NXN: variants seen among roughly 807,000 people sequenced by gnomAD.
The protein encoded by NXN is nucleoredoxin.
NXN carries 16 observed loss-of-function variants against 48.6 expected under a neutral mutation model. That is an observed-to-expected ratio of 0.33 (90% confidence interval 0.22 to 0.50). The LOEUF (loss-of-function observed/expected upper bound fraction) is 0.50, where lower values mean the gene tolerates loss of function less well. Ranked by LOEUF, NXN falls within the 20% of genes least tolerant of loss-of-function variation. The pLI is 0.98. For missense variants in NXN, 492 were observed against 605.5 expected (o/e 0.81, Z 1.97); for synonymous variants, 281 against 269.6 (o/e 1.04, Z -0.41).
At chr17:933,890 T>C (rs1258005487) in intron 1 of NXN, among the ~76,000 whole-genome samples, 3 of 152,106 alleles carry the variant, frequency 2.0e-5, no homozygotes, top group African/African-American at 7.2e-5. Flanking sequence ...TGGATTCCAA[T>C]ACAAGCAGCC....
intron 5 of NXN, among the ~76,000 whole-genome samples, chr17:811,920 C>CTTTTTTTT (rs34383551): frequency 5.5e-5 from 4 of 73,172 alleles, no homozygotes; most frequent in African/African-American, 1.3e-4. Context: ...CCCAGTTCTG[C>CTTTTTTTT]TTTTTTTTTT....
At chr17:968,555 G>A (rs757894158) in intron 1 of NXN, among the ~76,000 whole-genome samples, 1 of 152,118 alleles carries the variant, frequency 6.6e-6, no homozygotes, top group Non-Finnish European at 1.5e-5. Flanking sequence ...GGGCAACACA[G>A]CAAGAGCTCT....
chr17:856,530 G>A (rs896505003), intron 1 of NXN, among the ~76,000 whole-genome samples: 4 of 136,314 alleles, frequency 2.9e-5, no homozygotes, highest in Admixed American at 1.6e-4. Context: ...TTGCTCTGTC[G>A]CCCAGGCTGG....
chr17:944,420 C>A (rs1222165052), intron 1 of NXN, among the ~76,000 whole-genome samples: 1 of 152,184 alleles, frequency 6.6e-6, no homozygotes, highest in Non-Finnish European at 1.5e-5. Context: ...GTACCCCCGT[C>A]CGAGGACTGC....
chr17:895,383 C>CA (rs1269248436), intron 1 of NXN, among the ~76,000 whole-genome samples: 2 of 151,698 alleles, frequency 1.3e-5, no homozygotes, highest in South Asian at 2.1e-4. Context: ...CCCAAAGAAG[C>CA]AAAAAAATGA....
intron 1 of NXN, among the ~76,000 whole-genome samples, chr17:843,384 G>A (rs1250481345): frequency 6.6e-6 from 1 of 152,234 alleles, no homozygotes. Flanking sequence ...GCATATGGCT[G>A]CCAGGCTCTT....
chr17:814,043 A>C (rs1268029045), intron 5 of NXN, among the ~76,000 whole-genome samples: 1 of 151,902 alleles, frequency 6.6e-6, no homozygotes, highest in African/African-American at 2.4e-5. Context: ...GGCAGATCAC[A>C]TGAGGTCAGG....
At chr17:940,966 C>A (rs1206642831) in intron 1 of NXN, among the ~76,000 whole-genome samples, 1 of 142,948 alleles carries the variant, frequency 7.0e-6, no homozygotes, top group African/African-American at 2.8e-5. Flanking sequence ...TTACAGTGAA[C>A]AAGATTCCAG....
chr17:859,670 C>G (rs2068022091), intron 1 of NXN, among the ~76,000 whole-genome samples: 1 of 152,220 alleles, frequency 6.6e-6, no homozygotes. Context: ...GATCCCAGAT[C>G]TGCTCTGGGG....
intron 1 of NXN, among the ~76,000 whole-genome samples, chr17:850,365 C>G (rs543402867): frequency 1.3e-5 from 2 of 152,304 alleles, no homozygotes; most frequent in South Asian, 4.1e-4. Context: ...TCCCGGACCT[C>G]CTGCTTCCTG....
Position 841,548 on chromosome 17 carries a change from G to C in NXN, c.361-15470C>G, listed in dbSNP as rs375159958. Among the ~76,000 whole-genome samples the C allele has an allele frequency of 6.3e-3, 276 of 43,992 alleles. 25 individuals carry two copies. Among genetic ancestry groups the C allele is most frequent in the African/African-American group, 0.018 (157 of 8,600 alleles). 28.9% of individuals were successfully genotyped at this position (43,992 alleles called of 152,430 possible). ...CCCCGACCATGGAGCATCTCACGCCGGCGAGCAGGTCCCCCCTGACCACGG... is the reference window on the plus strand; with the variant it reads ...CCCCGACCATGGAGCATCTCACGCCCGCGAGCAGGTCCCCCCTGACCACGG... On this transcript the variant is annotated intron_variant, in intron 1 of 7. Transcript: ENST00000336868.
chr17:843,087 T>G (rs1914473084), intron 1 of NXN, among the ~76,000 whole-genome samples: 1 of 151,900 alleles, frequency 6.6e-6, no homozygotes, highest in African/African-American at 2.4e-5. Flanking sequence ...AAGCTGCACC[T>G]TCAGACTGAA....
chr17:822,392 G>C lies in NXN; in HGVS notation c.678C>G (p.Gly226=), dbSNP rs936914898. The C allele has an allele frequency of 1.2e-6, 2 of 1,613,982 alleles. No individual in the cohort carries two copies. Among genetic ancestry groups the C allele is most frequent in the African/African-American group, 2.7e-5 (2 of 74,922 alleles). The change falls in exon 4 of 8, where the codon GGC becomes GGG. Residue 226 remains glycine (G), a synonymous_variant. Transcript: ENST00000336868. ...VESYRKIKEA[G]QNFEIIFVSA... ...TAACGAAGATGATCTCGAAGTTCTG[G>C]CCTGCCTCCTTGATCTTCCGGTAGG...
chr17:855,971 G>A (rs2067981978), intron 1 of NXN, among the ~76,000 whole-genome samples: 1 of 152,114 alleles, frequency 6.6e-6, no homozygotes, highest in Non-Finnish European at 1.5e-5. Context: ...TAGACGGGCA[G>A]ATCACGAGGT....
chr17:839,378 T>C (rs1050782256), intron 1 of NXN, among the ~76,000 whole-genome samples: 1 of 151,864 alleles, frequency 6.6e-6, no homozygotes, highest in African/African-American at 2.4e-5. Flanking sequence ...GAGGTTGCAG[T>C]GAGCCGAGGT....
At chr17:925,879 C>T (rs2068793066) in intron 1 of NXN, among the ~76,000 whole-genome samples, 1 of 152,222 alleles carries the variant, frequency 6.6e-6, no homozygotes, top group Admixed American at 6.5e-5. Context: ...AAAAAGTCAT[C>T]ATTCCAGTCT....
At chr17:858,725 T>C (rs2068012030) in intron 1 of NXN, among the ~76,000 whole-genome samples, 1 of 146,910 alleles carries the variant, frequency 6.8e-6, no homozygotes, top group Non-Finnish European at 1.5e-5. Context: ...CGAGACTCCG[T>C]CTCAAAAAAA....
intron 6 of NXN, 101 bp downstream of exon 6, chr17:804,967 G>C: frequency 7.8e-7 from 1 of 1,287,176 alleles, no homozygotes; most frequent in South Asian, 1.3e-5. Context: ...TTGCACTGCT[G>C]GTGACAGAGA....
chr17:812,206 C>T lies in NXN; in HGVS notation c.821-6959G>A, dbSNP rs944325250. ...CCTCCCAAAGTGCTGGGATTACAGG[C>T]GTGAGCCACTGCGCGTGGCCTGGGT... On this transcript the variant is annotated intron_variant, in intron 5 of 7. Transcript: ENST00000336868. Among the ~76,000 whole-genome samples, 32 of 152,168 alleles carry T rather than the reference C, an allele frequency of 2.1e-4. 1 individual carries two copies. In the Middle Eastern group the frequency reaches 0.037, roughly 178 times the overall value.
Sources: allele counts gnomAD v4.1 joint callset (sites outside exome capture counted in the v4.1 genomes callset), GRCh38; gene constraint gnomAD v4.1.1; transcripts MANE v1.5; gene names NCBI Gene and HGNC (gene_info 2026-07-23, HGNC 2026-07-21).